The following RALGAPA2 variants were observed in gnomAD, a reference collection of about 807,000 sequenced individuals.
RALGAPA2 encodes the protein ral GTPase-activating protein subunit alpha-2.
In RALGAPA2, 139 loss-of-function variants were observed where a neutral mutation model predicts 230.4. The ratio of observed to expected loss-of-function variants is 0.60; its 90% CI spans 0.53 to 0.69. The LOEUF is 0.69. Among genes scored for constraint, RALGAPA2 ranks in the 30% least tolerant of loss-of-function variants. The probability of loss-of-function intolerance (pLI) is 0.00; values close to 1 mark genes in which losing one functional copy is unlikely to be tolerated. For synonymous variants in RALGAPA2, 847 were observed against 837.8 expected (o/e 1.01, Z -0.19); for missense variants, 2,163 against 2,276.0 (o/e 0.95, Z 1.01).
At chr20:20,671,464 T>C (rs2068132720) in intron 3 of RALGAPA2, among the ~76,000 whole-genome samples, 1 of 152,216 alleles carries the variant, frequency 6.6e-6, no homozygotes, top group South Asian at 2.1e-4. Flanking sequence ...TCCAAACCCT[T>C]ATAAACTATC....
At chr20:20,453,955 A>G (rs2061048163) in intron 37 of RALGAPA2, among the ~76,000 whole-genome samples, 1 of 152,214 alleles carries the variant, frequency 6.6e-6, no homozygotes, top group Admixed American at 6.5e-5. Context: ...TTAAGCCCTA[A>G]GTAAAAGACA....
chr20:20,588,126 A>C (rs1751084327), intron 18 of RALGAPA2, among the ~76,000 whole-genome samples: 1 of 152,226 alleles, frequency 6.6e-6, no homozygotes, highest in South Asian at 2.1e-4. Flanking sequence ...CTAGATAGCC[A>C]TCATAGAGAA....
Position 20,672,437 on chromosome 20 carries a change from T to C in RALGAPA2, c.270+3799A>G, listed in dbSNP as rs1248260548. Among the ~76,000 whole-genome samples, 8 of 152,166 alleles carry C rather than the reference T, an allele frequency of 5.3e-5. No homozygotes were observed. In the East Asian group the frequency reaches 1.3e-3, roughly 26 times the overall value. On this transcript the variant is annotated intron_variant, in intron 3 of 39. Coordinates refer to ENST00000202677, the MANE Select transcript of RALGAPA2 (RefSeq NM_020343.4). ...TAATAAAATAAAAGATGTCTAAAAA[T>C]GAACGAGGATCAAGAGACAATCGAA... is the stretch of plus-strand genomic sequence containing the variant.
chr20:20,535,691 C>A (rs1282386358), intron 26 of RALGAPA2, 54 bp downstream of exon 26: 2 of 1,523,628 alleles, frequency 1.3e-6, no homozygotes, highest in Admixed American at 4.3e-5. Flanking sequence ...ACTACTTACA[C>A]ATAAATGTGT....
rs530194321 is a variant in RALGAPA2 at position 20,444,363 on chromosome 20, C to T, written c.5495+28466G>A. ...GGCACGCTGTGTGTCTCCTGGGACTCTCCTACACCCTAGCACATCACCTCG... is the reference window on the plus strand; with the variant it reads ...GGCACGCTGTGTGTCTCCTGGGACTTTCCTACACCCTAGCACATCACCTCG... On this transcript the variant is annotated intron_variant, in intron 37 of 39. Transcript: ENST00000202677. Among the ~76,000 whole-genome samples, 3 of 152,292 alleles carry T rather than the reference C, an allele frequency of 2.0e-5. No individual in the cohort carries two copies. In the South Asian group the frequency reaches 6.2e-4, roughly 32 times the overall value.
At chr20:20,660,190 C>T (rs1245124321) in intron 3 of RALGAPA2, among the ~76,000 whole-genome samples, 6 of 151,610 alleles carry the variant, frequency 4.0e-5, no homozygotes, top group East Asian at 1.9e-4. Flanking sequence ...ATTGCACCAC[C>T]GCACTCCAGC....
intron 24 of RALGAPA2, among the ~76,000 whole-genome samples, chr20:20,546,414 T>C (rs1204706273): frequency 2.0e-5 from 3 of 152,212 alleles, no homozygotes; most frequent in Non-Finnish European, 4.4e-5. Flanking sequence ...TACTGGAAAA[T>C]GCTAATAATA....
At chr20:20,695,190 C>G (rs2069064213) in intron 1 of RALGAPA2, among the ~76,000 whole-genome samples, 1 of 152,154 alleles carries the variant, frequency 6.6e-6, no homozygotes, top group Non-Finnish European at 1.5e-5. Flanking sequence ...CAGCAAATGA[C>G]TTAAATTTTC....
At chr20:20,404,561 T>C (rs1224022949) in intron 38 of RALGAPA2, among the ~76,000 whole-genome samples, 4 of 152,190 alleles carry the variant, frequency 2.6e-5, no homozygotes, top group African/African-American at 9.6e-5. Flanking sequence ...CCAGTCACGA[T>C]TCACAAGGAA....
At chr20:20,421,277 A>T (rs889917502) in intron 37 of RALGAPA2, among the ~76,000 whole-genome samples, 3 of 152,226 alleles carry the variant, frequency 2.0e-5, no homozygotes, top group Admixed American at 6.5e-5. Flanking sequence ...GTCTACTAGG[A>T]TGACTATAAT....
chr20:20,550,543 T>G (rs1402330711), intron 23 of RALGAPA2, among the ~76,000 whole-genome samples: 1 of 152,134 alleles, frequency 6.6e-6, no homozygotes, highest in African/African-American at 2.4e-5. Context: ...AAAGGGGCCA[T>G]CCTTTCTACT....
At chr20:20,399,537 A>C (rs1018533416) in intron 38 of RALGAPA2, among the ~76,000 whole-genome samples, 3 of 152,226 alleles carry the variant, frequency 2.0e-5, no homozygotes, top group South Asian at 2.1e-4. Flanking sequence ...ACTGTGGCCA[A>C]CTGGCGGCTC....
intron 4 of RALGAPA2, among the ~76,000 whole-genome samples, chr20:20,647,356 A>G (rs2067250687): frequency 6.6e-6 from 1 of 152,228 alleles, no homozygotes; most frequent in African/African-American, 2.4e-5. Context: ...GGCTAATGGT[A>G]TGCCAAGCCT....
Position 20,392,956 on chromosome 20 carries a change from G to A in RALGAPA2, c.*333C>T. 7 of 759,492 alleles carry A rather than the reference G, an allele frequency of 9.2e-6. No individual in the cohort carries two copies. The highest frequency in any genetic ancestry group is 7.5e-6 in the Non-Finnish European group (4 of 535,636). 47.0% of individuals were successfully genotyped at this position (759,492 alleles called of 1,614,324 possible). A position where few individuals can be genotyped will look rare whatever the true frequency, so the allele number is the denominator to read the frequency against. On this transcript the variant is annotated 3_prime_UTR_variant, in exon 40 of 40. Coordinates refer to ENST00000202677, the MANE Select transcript of RALGAPA2 (RefSeq NM_020343.4). ...CCACACCAGTGCCCACGTGTCAGTG[G>A]GTTCATCTCTGGTTTTTGGTGACTT... is the stretch of plus-strand genomic sequence containing the variant.
chr20:20,494,973 A>G, intron 36 of RALGAPA2, 144 bp downstream of exon 36: 1 of 669,178 alleles, frequency 1.5e-6, no homozygotes, highest in Non-Finnish European at 2.3e-6. Context: ...ATTCCTATAA[A>G]GCATGCATAA....
intron 24 of RALGAPA2, among the ~76,000 whole-genome samples, chr20:20,546,008 G>A (rs1168216547): frequency 2.0e-5 from 3 of 152,192 alleles, no homozygotes; most frequent in Admixed American, 1.3e-4. Context: ...TGAGGTTACA[G>A]TGAGCTAGGC....
Position 20,546,633 on chromosome 20 carries a change from G to C in RALGAPA2, c.3285+71C>G, listed in dbSNP as rs773116588. On this transcript the variant is annotated intron_variant, in intron 24 of 39. Coordinates refer to ENST00000202677, the MANE Select transcript of RALGAPA2 (RefSeq NM_020343.4). ...AATGAGTCAACACCTGTTAAGAGTG[G>C]AGAAATCTGAACCTTGTTAGCGATT... The C allele has an allele frequency of 1.3e-3, 1,968 of 1,492,772 alleles. 3 individuals carry two copies. The highest frequency in any genetic ancestry group is 1.6e-3 in the Non-Finnish European group (1,757 of 1,122,128). The allele number at this position is 1,492,772 out of a possible 1,614,324, so 92.5% of individuals were successfully genotyped here.
rs10539542 is a variant in RALGAPA2, at chr20:20,458,840, C to CTA, written c.5495+13987_5495+13988dup. Among the ~76,000 whole-genome samples the CTA allele has an allele frequency of 2.4e-3, 93 of 38,952 alleles. 2 individuals are homozygous for CTA. The East Asian group carries it at 0.031, about 13-fold the overall frequency. The allele number at this position is 38,952 out of a possible 152,430, so 25.6% of individuals were successfully genotyped here. On this transcript the variant is annotated intron_variant, in intron 37 of 39. Coordinates refer to ENST00000202677, the MANE Select transcript of RALGAPA2 (RefSeq NM_020343.4). ...TATAGACCTATATATATATATAGAC[C>CTA]TATATATATATAGACCTATATATAT...
At chr20:20,478,165 T>C (rs2061692628) in intron 36 of RALGAPA2, among the ~76,000 whole-genome samples, 1 of 152,214 alleles carries the variant, frequency 6.6e-6, no homozygotes, top group Non-Finnish European at 1.5e-5. Flanking sequence ...TCTAAATAAC[T>C]CATGGGTCAA....
Sources: allele counts gnomAD v4.1 joint callset (sites outside exome capture counted in the v4.1 genomes callset), GRCh38; gene constraint gnomAD v4.1.1; transcripts MANE v1.5; gene names NCBI Gene and HGNC (gene_info 2026-07-23, HGNC 2026-07-21).